SPOPL: variants seen among roughly 807,000 people sequenced by gnomAD.
The protein encoded by SPOPL is speckle-type POZ protein-like.
A neutral mutation model predicts 53.8 loss-of-function variants in SPOPL; 23 were observed. That is an observed-to-expected ratio of 0.43 (90% confidence interval 0.31 to 0.61). The LOEUF (loss-of-function observed/expected upper bound fraction) is 0.61. Among genes scored for constraint, SPOPL ranks in the 20% least tolerant of loss-of-function variants. The probability of loss-of-function intolerance (pLI) is 0.12; values close to 1 mark genes in which losing one functional copy is unlikely to be tolerated. For missense variants in SPOPL, 442 were observed against 466.9 expected (o/e 0.95, Z 0.49); for synonymous variants, 164 against 149.7 (o/e 1.10, Z -0.70).
In SPOPL at chr2:138,550,511, G is replaced by A; in HGVS notation, c.107G>A (p.Trp36Ter). Residue 36 changes from tryptophan (W) to a stop codon, truncating the protein, a stop_gained, in exon 3 of 11, where the codon TGG becomes TAG. Coordinates refer to ENST00000280098, the MANE Select transcript of SPOPL (RefSeq NM_001001664.3). LOFTEE classifies it high-confidence loss of function. ...QVKVVKFSYM[W>*]TINNFSFCRE... is the part of the protein sequence containing the mutation. ...AAAGTAGTAAAATTTTCCTATATGT[G>A]GACCATTAATAACTTCAGTTTTTGT... The A allele has an allele frequency of 6.2e-7, 1 of 1,611,012 alleles. No homozygotes were observed. The highest frequency in any genetic ancestry group is 8.5e-7 in the Non-Finnish European group (1 of 1,177,866).
intron 5 of SPOPL, among the ~76,000 whole-genome samples, chr2:138,558,721 C>T (rs1475214539): frequency 6.6e-6 from 1 of 151,966 alleles, no homozygotes; most frequent in Non-Finnish European, 1.5e-5. Context: ...GAGTTTATAT[C>T]ATATTGTGGC....
At chr2:138,561,042 C>T (rs1685535358) in intron 8 of SPOPL, 115 bp downstream of exon 8, 1 of 1,292,680 alleles carries the variant, frequency 7.7e-7, no homozygotes, top group Non-Finnish European at 1.1e-6. Flanking sequence ...CTCTTGAGAG[C>T]TTTATGAAAT....
intron 1 of SPOPL, among the ~76,000 whole-genome samples, chr2:138,540,841 C>G (rs562417282): frequency 6.6e-6 from 1 of 152,218 alleles, no homozygotes; most frequent in East Asian, 1.9e-4. Flanking sequence ...GGGAATGCTT[C>G]CAGTTTTTGG....
intron 8 of SPOPL, among the ~76,000 whole-genome samples, chr2:138,561,484 T>C (rs1457784889): frequency 1.3e-5 from 2 of 152,200 alleles, no homozygotes; most frequent in Admixed American, 1.3e-4. Flanking sequence ...AGTATACAAG[T>C]TCACATATGC....
intron 1 of SPOPL, among the ~76,000 whole-genome samples, chr2:138,544,893 C>T (rs976917051): frequency 2.0e-5 from 3 of 152,300 alleles, no homozygotes; most frequent in African/African-American, 7.2e-5. Flanking sequence ...CACCTGTTTT[C>T]AAGCATGTGT....
At chr2:138,552,870 ACT>A (rs1269733572) in intron 5 of SPOPL, among the ~76,000 whole-genome samples, 189 bp downstream of exon 5, 1 of 152,010 alleles carries the variant, frequency 6.6e-6, no homozygotes, top group African/African-American at 2.4e-5. Flanking sequence ...GTCTGGAAAC[ACT>A]CTGTCATATT....
intron 1 of SPOPL, among the ~76,000 whole-genome samples, chr2:138,538,370 G>A (rs923478984): frequency 5.3e-5 from 8 of 152,100 alleles, no homozygotes; most frequent in South Asian, 2.1e-4. Flanking sequence ...GCTTGATATC[G>A]TTTGGGGCTC....
intron 1 of SPOPL, among the ~76,000 whole-genome samples, chr2:138,515,558 A>AT (rs1334839812): frequency 6.6e-6 from 1 of 152,126 alleles, no homozygotes; most frequent in Non-Finnish European, 1.5e-5. Flanking sequence ...GCTAAGCTGT[A>AT]TTTTTTGTCA....
chr2:138,513,758 AAT>A (rs1684379734), intron 1 of SPOPL, among the ~76,000 whole-genome samples: 2 of 148,874 alleles, frequency 1.3e-5, no homozygotes, highest in Non-Finnish European at 3.0e-5. Flanking sequence ...AAAAAAAAAA[AAT>A]TGGCTTTTGC....
intron 8 of SPOPL, 41 bp downstream of exon 8, chr2:138,560,968 G>T: frequency 1.3e-6 from 2 of 1,582,256 alleles, no homozygotes; most frequent in Non-Finnish European, 1.7e-6. Context: ...ATACCCTCAA[G>T]CTTGATTTAT....
chr2:138,540,558 T>C (rs1685047780), intron 1 of SPOPL, among the ~76,000 whole-genome samples: 1 of 152,218 alleles, frequency 6.6e-6, no homozygotes, highest in Admixed American at 6.5e-5. Flanking sequence ...GTTATTGGTG[T>C]ATAAGAATGC....
At position 138,560,923 on chromosome 2, in the gene SPOPL, A is replaced by T. The variant is rs1362082110; in HGVS notation, c.833A>T (p.Asp278Val). ...KMADNLLAAA[D>V]KYALERLKVM... ...GCTGACAACTTGTTGGCAGCTGCAGACAAAGTAAGTAATTAGGTCTTAAGG... is the reference window on the plus strand; with the variant it reads ...GCTGACAACTTGTTGGCAGCTGCAGTCAAAGTAAGTAATTAGGTCTTAAGG... Residue 278 changes from aspartate (D) to valine (V), a missense_variant, in exon 8 of 11, where the codon GAC (aspartate) becomes GTC (valine). Physicochemically the swap from Asp to Val is radical, Grantham distance 152. Coordinates refer to ENST00000280098, the MANE Select transcript of SPOPL (RefSeq NM_001001664.3). 3 of 1,608,164 alleles carry T rather than the reference A, an allele frequency of 1.9e-6. No individual in the cohort carries two copies. Among genetic ancestry groups the T allele is most frequent in the Non-Finnish European group, 2.5e-6 (3 of 1,178,608 alleles).
chr2:138,550,812 G>T, intron 3 of SPOPL, 91 bp from the exon 4 acceptor site: 4 of 1,309,570 alleles, frequency 3.1e-6, no homozygotes, highest in Non-Finnish European at 4.1e-6. Context: ...TGATTTCAGT[G>T]TTCTCTCTCT....
chr2:138,557,581 A>G (rs1377990933), intron 5 of SPOPL, among the ~76,000 whole-genome samples: 4 of 152,172 alleles, frequency 2.6e-5, no homozygotes, highest in African/African-American at 7.2e-5. Context: ...TTTACTGTAT[A>G]TATGTGTGTC....
At chr2:138,532,097 A>G (rs1684821645) in intron 1 of SPOPL, among the ~76,000 whole-genome samples, 1 of 152,122 alleles carries the variant, frequency 6.6e-6, no homozygotes, top group African/African-American at 2.4e-5. Flanking sequence ...TCTCTGGCAA[A>G]TCTCAACTCT....
At chr2:138,539,689 A>G (rs1455444603) in intron 1 of SPOPL, among the ~76,000 whole-genome samples, 2 of 152,054 alleles carry the variant, frequency 1.3e-5, no homozygotes, top group Non-Finnish European at 1.5e-5. Flanking sequence ...ATTTTCTCCC[A>G]TTCTGTAGGT....
chr2:138,564,933 A>C lies in SPOPL; in HGVS notation c.981-7A>C, dbSNP rs1685628726. The C allele has an allele frequency of 6.2e-7, 1 of 1,614,028 alleles. No individual in the cohort carries two copies. Among genetic ancestry groups the C allele is most frequent in the African/African-American group, 1.3e-5 (1 of 75,028 alleles). ...TTTTTTTAAGTATGTTTAAATCTTC[A>C]ATGCAGGTGCAGTGTACTTCGACAA... On this transcript the variant is annotated splice_polypyrimidine_tract_variant and splice_region_variant and intron_variant, in intron 9 of 10. Transcript: ENST00000280098.
Position 138,563,356 on chromosome 2 carries a change from C to G in SPOPL, c.838-1352C>G, listed in dbSNP as rs369107261. Among the ~76,000 whole-genome samples the G allele has an allele frequency of 1.2e-4, 18 of 152,152 alleles. No individual in the cohort carries two copies. In the East Asian group the frequency reaches 3.3e-3, roughly 28 times the overall value. ...AATTAGCCTGGTGTGGTGCCATGTG[C>G]CTTTAATCCCAGCTACTCAGGAGGC... On this transcript the variant is annotated intron_variant, in intron 8 of 10. Coordinates refer to ENST00000280098, the MANE Select transcript of SPOPL (RefSeq NM_001001664.3).
intron 1 of SPOPL, among the ~76,000 whole-genome samples, chr2:138,518,478 AAC>A (rs1202356599): frequency 1.3e-5 from 2 of 152,218 alleles, no homozygotes; most frequent in African/African-American, 4.8e-5. Flanking sequence ...AAAGGAAAGT[AAC>A]TTGTTCAAGA....
Sources: gnomAD v4.1 joint callset for allele counts (sites outside exome capture counted in the v4.1 genomes callset) on GRCh38, gnomAD v4.1.1 for gene constraint, MANE v1.5 for transcripts, NCBI Gene and HGNC (gene_info 2026-07-23, HGNC 2026-07-21) for gene names.